PTPRG: variants seen among roughly 807,000 people sequenced by gnomAD.
The protein encoded by PTPRG is protein tyrosine phosphatase receptor type G.
A neutral mutation model predicts 165.3 loss-of-function variants in PTPRG; 102 were observed. The observed-to-expected ratio is 0.62, with a 90% CI of 0.53 to 0.73. The LOEUF (loss-of-function observed/expected upper bound fraction) is 0.73, where lower values mean the gene tolerates loss of function less well. Ranked by LOEUF, PTPRG falls within the 30% of genes least tolerant of loss-of-function variation. The probability of loss-of-function intolerance (pLI) is 0.00; values close to 1 mark genes in which losing one functional copy is unlikely to be tolerated. For synonymous variants in PTPRG, 675 were observed against 669.5 expected, an observed-to-expected ratio of 1.01 and a Z score of -0.13; for missense variants, 1,866 against 1,861.4, an observed-to-expected ratio of 1.00 and a Z score of -0.05.
chr3:61,676,417 A>C (rs557104986), intron 1 of PTPRG, among the ~76,000 whole-genome samples: 186 of 128,542 alleles, frequency 1.4e-3, no homozygotes, highest in African/African-American at 5.2e-3. Context: ...AGATTGCACC[A>C]CTGCACTCCA....
chr3:61,997,970 CT>C (rs2041079144), intron 3 of PTPRG, among the ~76,000 whole-genome samples: 2 of 152,134 alleles, frequency 1.3e-5, no homozygotes, highest in South Asian at 4.1e-4. Context: ...CTACCTTATA[CT>C]CTTGGCAACG....
intron 6 of PTPRG, 128 bp downstream of exon 6, chr3:62,132,796 A>G (rs1703566766): frequency 1.2e-6 from 1 of 837,380 alleles, no homozygotes; most frequent in Non-Finnish European, 2.1e-6. Context: ...GTTGAAGGGC[A>G]TTAGAGCCAT....
At chr3:61,592,641 CTTTCTTTCTT>C (rs1700599818) in intron 1 of PTPRG, among the ~76,000 whole-genome samples, 2 of 139,980 alleles carry the variant, frequency 1.4e-5, no homozygotes, top group African/African-American at 2.8e-5. Flanking sequence ...TTCTTTCTTT[CTTTCTTTCTT>C]TTTTTTTTTT....
chr3:61,676,302 A>C (rs1201161605), intron 1 of PTPRG, among the ~76,000 whole-genome samples: 1 of 151,374 alleles, frequency 6.6e-6, no homozygotes, highest in Non-Finnish European at 1.5e-5. Flanking sequence ...CTAAAAATAC[A>C]AAATATTAGC....
At chr3:61,740,826 A>G (rs763157130) in intron 1 of PTPRG, among the ~76,000 whole-genome samples, 2 of 152,220 alleles carry the variant, frequency 1.3e-5, no homozygotes, top group Admixed American at 6.5e-5. Flanking sequence ...TGAAACAGTA[A>G]GTATATTTGA....
chr3:62,265,870 ACACACG>A (rs1559728658), intron 17 of PTPRG, among the ~76,000 whole-genome samples: 1 of 111,980 alleles, frequency 8.9e-6, no homozygotes, highest in Non-Finnish European at 1.9e-5. Context: ...ACACACACAC[ACACACG>A]TATACATCTG....
intron 16 of PTPRG, among the ~76,000 whole-genome samples, chr3:62,257,002 T>C (rs971321773): frequency 6.6e-6 from 1 of 152,142 alleles, no homozygotes; most frequent in Non-Finnish European, 1.5e-5. Context: ...CTGATACTTA[T>C]GGGAGTGGAA....
In PTPRG at chr3:62,210,508, A is replaced by G. The variant is rs1336135643; in HGVS notation, c.2155+6558A>G. ...ATGTGCAGCCCCTGTGGAAAATAGTATGGTAGTTCCTTAAAAAAGTGAAAC... is the reference window on the plus strand; with the variant it reads ...ATGTGCAGCCCCTGTGGAAAATAGTGTGGTAGTTCCTTAAAAAAGTGAAAC... On this transcript the variant is annotated intron_variant, in intron 12 of 29. Coordinates refer to ENST00000474889, the MANE Select transcript of PTPRG (RefSeq NM_002841.4). The surrounding 1 kb of genome is among the most constrained non-coding windows in gnomAD (Gnocchi z 4.1). Among the ~76,000 whole-genome samples, 2 of 152,222 alleles carry G rather than the reference A, an allele frequency of 1.3e-5. No homozygotes were observed. The highest frequency in any genetic ancestry group is 4.8e-5 in the African/African-American group (2 of 41,458).
chr3:61,709,719 A>G (rs1486618245), intron 1 of PTPRG, among the ~76,000 whole-genome samples: 7 of 152,142 alleles, frequency 4.6e-5, no homozygotes, highest in Admixed American at 1.3e-4. Flanking sequence ...AAATTTTGCA[A>G]TGCCTCCTCT....
chr3:61,992,240 C>T (rs1001122063), intron 3 of PTPRG, among the ~76,000 whole-genome samples: 50 of 115,760 alleles, frequency 4.3e-4, no homozygotes, highest in African/African-American at 1.9e-3. Flanking sequence ...AAAGAACATG[C>T]ATTTTTGCAT....
At chr3:61,758,257 GA>G (rs1342200952) in intron 2 of PTPRG, among the ~76,000 whole-genome samples, 1 of 152,066 alleles carries the variant, frequency 6.6e-6, no homozygotes, top group Non-Finnish European at 1.5e-5. Context: ...AAAGTGCTGG[GA>G]TTACAGGCAT....
At chr3:61,622,134 A>T (rs1424283427) in intron 1 of PTPRG, among the ~76,000 whole-genome samples, 2 of 152,186 alleles carry the variant, frequency 1.3e-5, no homozygotes, top group Non-Finnish European at 2.9e-5. Context: ...AACTTTCTAG[A>T]GGGAGGAAAC....
chr3:61,986,140 A>G (rs1466057136), intron 2 of PTPRG, among the ~76,000 whole-genome samples: 1 of 152,156 alleles, frequency 6.6e-6, no homozygotes, highest in Non-Finnish European at 1.5e-5. Flanking sequence ...ATATGATTGA[A>G]TCATCATATT....
intron 2 of PTPRG, among the ~76,000 whole-genome samples, chr3:61,934,616 A>T (rs936189370): frequency 6.6e-6 from 1 of 151,932 alleles, no homozygotes; most frequent in Non-Finnish European, 1.5e-5. Flanking sequence ...CTGCCATCAT[A>T]TCTGCATTGT....
At chr3:61,637,866 A>G (rs1343478051) in intron 1 of PTPRG, among the ~76,000 whole-genome samples, 1 of 152,198 alleles carries the variant, frequency 6.6e-6, no homozygotes, top group Non-Finnish European at 1.5e-5. Context: ...AGTGAGTGAT[A>G]TGTTGAGAGA....
chr3:62,157,059 CCAAA>C lies in PTPRG; in HGVS notation c.683-5_683-2del, dbSNP rs777586120. 2.5e-6 allele frequency: 4 copies of C among 1,593,516 alleles called. No individual in the cohort carries two copies. Among genetic ancestry groups the C allele is most frequent in the Admixed American group, 3.3e-5 (2 of 59,866 alleles). Reference sequence around the variant, plus strand: ...TTGTGCTTTTCTTTTCCCTTTTTCCCCAAACAGAGAAGGAGACCTTTCTGGATCC... The same window carrying C: ...TTGTGCTTTTCTTTTCCCTTTTTCCCCAGAGAAGGAGACCTTTCTGGATCC... On this transcript the variant is annotated splice_region_variant and splice_polypyrimidine_tract_variant and intron_variant, in intron 6 of 29. Coordinates refer to ENST00000474889, the MANE Select transcript of PTPRG (RefSeq NM_002841.4).
chr3:61,975,959 C>T (rs2040492947), intron 2 of PTPRG, among the ~76,000 whole-genome samples: 1 of 152,140 alleles, frequency 6.6e-6, no homozygotes, highest in South Asian at 2.1e-4. Context: ...CCAAATGCCC[C>T]CACTGTCATG....
intron 6 of PTPRG, among the ~76,000 whole-genome samples, chr3:62,146,589 G>C (rs1267689756): frequency 1.3e-5 from 2 of 151,354 alleles, no homozygotes; most frequent in African/African-American, 4.9e-5. Context: ...TCACTGCATG[G>C]AGTTGGCCCT....
intron 1 of PTPRG, among the ~76,000 whole-genome samples, chr3:61,717,982 C>G (rs1271361974): frequency 6.6e-6 from 1 of 151,692 alleles, no homozygotes; most frequent in Non-Finnish European, 1.5e-5. Flanking sequence ...GAGATTGAGA[C>G]CAGCCTGGCC....
Sources: gnomAD v4.1 joint callset for allele counts (sites outside exome capture counted in the v4.1 genomes callset) on GRCh38, gnomAD v4.1.1 for gene constraint, Gnocchi (gnomAD v3.1) non-coding constraint, MANE v1.5 for transcripts, NCBI Gene and HGNC (gene_info 2026-07-23, HGNC 2026-07-21) for gene names.